BCL11A: variants seen among roughly 807,000 people sequenced by gnomAD.
The protein encoded by BCL11A is B cell CLL/lymphoma 11A.
Under a neutral mutation model 55.9 loss-of-function variants are expected in BCL11A, and 2 were observed. The ratio of observed to expected loss-of-function variants is 0.04; its 90% confidence interval spans 0.01 to 0.11. The LOEUF (loss-of-function observed/expected upper bound fraction) is 0.11. BCL11A is among the 10% of genes least tolerant of loss of function. The pLI, the probability that BCL11A is intolerant of heterozygous loss-of-function variation, is 1.00. For missense variants in BCL11A, 817 were observed against 1,137.1 expected, an observed-to-expected ratio of 0.72 and a Z score of 4.05; for synonymous variants, 465 against 473.4, an observed-to-expected ratio of 0.98 and a Z score of 0.23.
chr2:60,533,739 C>T (rs1335325844), intron 2 of BCL11A: 1 of 152,130 alleles, frequency 6.6e-6, no homozygotes, highest in Non-Finnish European at 1.5e-5. Context: ...ATAAAAAGCC[C>T]CTGGATCTCA....
At chr2:60,548,203 G>GCT (rs1438541124) in intron 1 of BCL11A, among the ~76,000 whole-genome samples, 2 of 151,562 alleles carry the variant, frequency 1.3e-5, no homozygotes, top group Non-Finnish European at 2.9e-5. Flanking sequence ...TGGCTTTTTT[G>GCT]TTTAGCATTA....
intron 2 of BCL11A, among the ~76,000 whole-genome samples, chr2:60,497,761 T>C (rs763754865): frequency 6.6e-6 from 1 of 152,172 alleles, no homozygotes; most frequent in Non-Finnish European, 1.5e-5. Flanking sequence ...CACCTTACTA[T>C]AGGCACATAT....
intron 2 of BCL11A, among the ~76,000 whole-genome samples, chr2:60,499,268 C>T (rs967195594): frequency 6.6e-6 from 1 of 152,152 alleles, no homozygotes; most frequent in Admixed American, 6.5e-5. Flanking sequence ...GTCACTCCCA[C>T]AGAGCTGCAG....
chr2:60,507,565 G>T (rs1679718846), intron 2 of BCL11A, among the ~76,000 whole-genome samples: 1 of 152,076 alleles, frequency 6.6e-6, no homozygotes, highest in South Asian at 2.1e-4. Context: ...GACAGGCAAG[G>T]GGAAGAACTG....
In BCL11A at chr2:60,460,168, G is replaced by GA. The variant is rs35238724; in HGVS notation, c.*235dup. The GA allele has an allele frequency of 0.046, 46,946 of 1,029,514 alleles. 286 individuals carry two copies. The highest frequency in any genetic ancestry group is 0.17 in the African/African-American group (7,795 of 45,912). 63.8% of individuals were successfully genotyped at this position (1,029,514 alleles called of 1,614,324 possible). On this transcript the variant is annotated 3_prime_UTR_variant, in exon 4 of 4. Coordinates refer to ENST00000642384, the MANE Select transcript of BCL11A (RefSeq NM_022893.4). ...GCATTCAAACGGTGAGAACATAAAG[G>GA]AAAAAAAAAAAAAAGGAAAAAGAAA...
intron 1 of BCL11A, among the ~76,000 whole-genome samples, chr2:60,550,453 C>T (rs1670358910): frequency 5.3e-5 from 8 of 151,952 alleles, no homozygotes; most frequent in Admixed American, 5.2e-4. Context: ...AATCGCCGGG[C>T]AGGAGGTGGG....
chr2:60,540,353 G>A (rs1415113205), intron 2 of BCL11A, among the ~76,000 whole-genome samples: 1 of 152,124 alleles, frequency 6.6e-6, no homozygotes, highest in Non-Finnish European at 1.5e-5. Flanking sequence ...GGTAAATTTT[G>A]TCAAATGACT....
chr2:60,513,150 T>C (rs1049980385), intron 2 of BCL11A, among the ~76,000 whole-genome samples: 1 of 151,798 alleles, frequency 6.6e-6, no homozygotes, highest in African/African-American at 2.4e-5. Context: ...CTGTGAGGGG[T>C]TGGGGGTGGC....
intron 2 of BCL11A, 55 bp downstream of exon 2, chr2:60,545,916 C>T (rs1433746773): frequency 1.3e-6 from 2 of 1,516,904 alleles, no homozygotes; most frequent in South Asian, 1.2e-5. Context: ...GCTACAGCAC[C>T]TCTGAAAATG....
downstream of BCL11A, among the ~76,000 whole-genome samples, chr2:60,456,939 A>G (rs769182302): frequency 1.3e-4 from 20 of 152,198 alleles, no homozygotes; most frequent in Non-Finnish European, 2.5e-4. Flanking sequence ...GTAAGTTTTT[A>G]ACATCAGACT....
intron 2 of BCL11A, among the ~76,000 whole-genome samples, chr2:60,519,488 T>C (rs1200677233): frequency 1.3e-5 from 2 of 152,118 alleles, no homozygotes; most frequent in Non-Finnish European, 2.9e-5. Context: ...TGGAACATCG[T>C]AGGAAAAAGG....
intron 1 of BCL11A, among the ~76,000 whole-genome samples, chr2:60,550,229 C>A (rs553964530): frequency 7.9e-5 from 12 of 152,144 alleles, no homozygotes; most frequent in Non-Finnish European, 1.5e-4. Flanking sequence ...AAAACTGCAC[C>A]GTGCTCCGAG....
At chr2:60,549,643 A>C (rs1157918999) in intron 1 of BCL11A, 2 of 152,130 alleles carry the variant, frequency 1.3e-5, no homozygotes, top group African/African-American at 4.8e-5. Flanking sequence ...CCGGAGACGG[A>C]GGGCAGCCAG....
intron 2 of BCL11A, among the ~76,000 whole-genome samples, chr2:60,499,391 C>G (rs1172575887): frequency 1.3e-5 from 2 of 152,160 alleles, no homozygotes; most frequent in Admixed American, 6.5e-5. Context: ...AAAGGTTGCA[C>G]ATTCTGTAAC....
intron 1 of BCL11A, among the ~76,000 whole-genome samples, chr2:60,552,773 C>T (rs950258799): frequency 3.3e-5 from 5 of 152,166 alleles, no homozygotes; most frequent in Non-Finnish European, 5.9e-5. Flanking sequence ...CCCTACCCCC[C>T]CATTTTCTTA....
chr2:60,465,129 C>T (rs1012624030), intron 3 of BCL11A, among the ~76,000 whole-genome samples: 1 of 152,224 alleles, frequency 6.6e-6, no homozygotes, highest in Non-Finnish European at 1.5e-5. Context: ...TTTCACTCAG[C>T]TCATGCCGGT....
chr2:60,527,004 A>C (rs1216980497), intron 2 of BCL11A: 1 of 152,204 alleles, frequency 6.6e-6, no homozygotes, highest in Non-Finnish European at 1.5e-5. Context: ...TAACCAGTCC[A>C]CTGCCCCTCT....
chr2:60,520,736 G>A (rs550020380), intron 2 of BCL11A, among the ~76,000 whole-genome samples: 85 of 145,800 alleles, frequency 5.8e-4, no homozygotes, highest in African/African-American at 1.8e-3. Flanking sequence ...CCCCATGTTG[G>A]TCGCCTACGG....
chr2:60,521,003 T>A lies in BCL11A; in HGVS notation c.385+24968A>T, dbSNP rs545828276. 6.4e-4 allele frequency among the ~76,000 whole-genome samples: 97 copies of A among 152,198 alleles called. 2 individuals are homozygous for A. In the South Asian group the frequency reaches 0.02, roughly 31 times the overall value. On this transcript the variant is annotated intron_variant, in intron 2 of 3. Coordinates refer to ENST00000642384, the MANE Select transcript of BCL11A (RefSeq NM_022893.4). ...AACCAAGTCTGGGAAACTATTTGTC[T>A]AAACACTTTTTGGAAAGGGATGAAA...
Sources: allele counts gnomAD v4.1 joint callset (sites outside exome capture counted in the v4.1 genomes callset), GRCh38; gene constraint gnomAD v4.1.1; transcripts MANE v1.5; gene names NCBI Gene and HGNC (gene_info 2026-07-23, HGNC 2026-07-21).